The following PASD1 variants were observed in gnomAD, a reference collection of about 807,000 sequenced individuals.
PASD1 encodes the protein circadian clock protein PASD1.
Under a neutral mutation model 58.8 loss-of-function variants are expected in PASD1, and 13 were observed. The observed-to-expected ratio is 0.22, with a 90% CI of 0.14 to 0.35. The LOEUF (loss-of-function observed/expected upper bound fraction) is 0.35, where lower values mean the gene tolerates loss of function less well. PASD1 is among the 10% of genes least tolerant of loss of function. The probability of loss-of-function intolerance (pLI) is 1.00; values close to 1 mark genes in which losing one functional copy is unlikely to be tolerated. For missense variants in PASD1, 734 were observed against 568.3 expected (o/e 1.29, Z -2.96); for synonymous variants, 236 against 216.7 (o/e 1.09, Z -0.78).
intron 1 of PASD1, among the ~76,000 whole-genome samples, chrX:151,576,689 G>C (rs2058242132): frequency 8.9e-6 from 1 of 112,053 alleles, no homozygotes; most frequent in Non-Finnish European, 1.9e-5. Context: ...GTGTGTGTGT[G>C]TGCACACGTG....
chrX:151,620,893 CT>C, intron 4 of PASD1, 36 bp from the exon 5 acceptor site: 2 of 1,079,140 alleles, frequency 1.9e-6, no homozygotes, highest in Non-Finnish European at 1.3e-6. Context: ...TCTTCCCCTC[CT>C]TTTTCCCTCC....
chrX:151,623,589 A>G (rs1602938357), intron 7 of PASD1, among the ~76,000 whole-genome samples: 1 of 112,187 alleles, frequency 8.9e-6, no homozygotes, highest in African/African-American at 3.2e-5. Flanking sequence ...GTAAGTACCT[A>G]CTGTGTTACA....
rs1286710772 is a variant in PASD1 at position 151,676,499 on chromosome X, G to GA, written c.*365dup. Reference sequence around the variant, plus strand: ...CAAAGTTTTCAACATAAAGAATAAAGAAAAAAAAATGCCAAAGTGCTTTTC... The same window carrying GA: ...CAAAGTTTTCAACATAAAGAATAAAGAAAAAAAAAATGCCAAAGTGCTTTTC... On this transcript the variant is annotated 3_prime_UTR_variant, in exon 16 of 16. Coordinates refer to ENST00000370357, the MANE Select transcript of PASD1 (RefSeq NM_173493.3). 1.1e-3 allele frequency: 169 copies of GA among 148,308 alleles called. No homozygotes were observed. Among genetic ancestry groups the GA allele is most frequent in the East Asian group, 2.0e-3 (14 of 6,927 alleles). 12.2% of individuals were successfully genotyped at this position (148,308 alleles called of 1,213,427 possible). A position where few individuals can be genotyped will look rare whatever the true frequency, so the allele number is the denominator to read the frequency against.
At chrX:151,660,280 T>C (rs974279256) in intron 10 of PASD1, among the ~76,000 whole-genome samples, 2 of 112,024 alleles carry the variant, frequency 1.8e-5, no homozygotes, top group African/African-American at 6.5e-5. Flanking sequence ...ACCGTAATTG[T>C]TTGAAAAGTA....
At chrX:151,675,918 A>G in intron 15 of PASD1, 79 bp from the exon 16 acceptor site, 2 of 1,052,258 alleles carry the variant, frequency 1.9e-6, no homozygotes, top group South Asian at 2.1e-5. Context: ...TATTTGAACT[A>G]AAGGATTCCT....
In PASD1 at chrX:151,659,804, C is replaced by T. The variant is rs1182937845; in HGVS notation, c.809C>T (p.Thr270Ile). ...VDSDSTYCSS[T>I]VFLDTMPESP... ...TCTGATTCAACTTATTGCTCCAGTACAGTTTTCCTGGATACTATGCCTGAA... is the reference window on the plus strand; with the variant it reads ...TCTGATTCAACTTATTGCTCCAGTATAGTTTTCCTGGATACTATGCCTGAA... Residue 270 changes from threonine (T) to isoleucine (I), a missense_variant, in exon 10 of 16, where the codon ACA (threonine) becomes ATA (isoleucine). Physicochemically the swap from Thr to Ile is moderately conservative, Grantham distance 89. Transcript: ENST00000370357. The T allele has an allele frequency of 8.3e-7, 1 of 1,204,803 alleles. No individual in the cohort carries two copies. Among genetic ancestry groups the T allele is most frequent in the Non-Finnish European group, 1.1e-6 (1 of 890,813 alleles).
intron 9 of PASD1, among the ~76,000 whole-genome samples, chrX:151,651,999 T>C (rs1388263598): frequency 8.9e-6 from 1 of 112,260 alleles, no homozygotes; most frequent in Non-Finnish European, 1.9e-5. Context: ...TCTTTATATA[T>C]TTGAACATTT....
chrX:151,661,612 A>G (rs1410709923), intron 10 of PASD1, among the ~76,000 whole-genome samples: 18 of 112,667 alleles, frequency 1.6e-4, no homozygotes, highest in Non-Finnish European at 2.8e-4. Flanking sequence ...CATTGATGCA[A>G]TACTTTTAAG....
In PASD1 at chrX:151,674,195, C is replaced by T; in HGVS notation, c.2175+9C>T. The stretch of plus-strand genomic sequence containing the variant: ...AACCCACCTACCATCAGGTATGGGA[C>T]AGCCCCCTCCTTTTCCTTCCAGCGC... On this transcript the variant is annotated intron_variant, in intron 15 of 15. Transcript: ENST00000370357. The T allele has an allele frequency of 8.3e-7, 1 of 1,210,398 alleles. No individual in the cohort carries two copies. The highest frequency in any genetic ancestry group is 1.8e-5 in the South Asian group (1 of 56,904).
chrX:151,593,440 T>G (rs749153020), intron 1 of PASD1, among the ~76,000 whole-genome samples: 124 of 79,290 alleles, frequency 1.6e-3, no homozygotes, highest in Admixed American at 4.0e-3. Context: ...TTCCCTGCCC[T>G]GTGTCCAAGT....
At chrX:151,574,418 T>C (rs2012971036) in intron 1 of PASD1, among the ~76,000 whole-genome samples, 1 of 112,032 alleles carries the variant, frequency 8.9e-6, no homozygotes, top group Admixed American at 9.5e-5. Context: ...ATAGTGATCA[T>C]ACCTCTTAGA....
intron 8 of PASD1, among the ~76,000 whole-genome samples, chrX:151,645,195 A>T (rs1259360554): frequency 8.9e-6 from 1 of 111,748 alleles, no homozygotes; most frequent in Non-Finnish European, 1.9e-5. Context: ...ACCTGCAACC[A>T]AGAAGGGAAA....
intron 4 of PASD1, among the ~76,000 whole-genome samples, 163 bp from the exon 5 acceptor site, chrX:151,620,767 G>C (rs1402031853): frequency 9.0e-6 from 1 of 110,576 alleles, no homozygotes; most frequent in Non-Finnish European, 1.9e-5. Flanking sequence ...ATTTTTTAGA[G>C]GTACAACAGG....
At chrX:151,631,395 C>T (rs1420306451) in intron 8 of PASD1, among the ~76,000 whole-genome samples, 1 of 111,583 alleles carries the variant, frequency 9.0e-6, no homozygotes, top group African/African-American at 3.3e-5. Flanking sequence ...AGGGAGAAAA[C>T]TCAAGGAGTC....
intron 4 of PASD1, among the ~76,000 whole-genome samples, chrX:151,613,155 C>T (rs1490019977): frequency 1.8e-5 from 2 of 111,189 alleles, no homozygotes; most frequent in South Asian, 7.7e-4. Flanking sequence ...TCTGAGGGCT[C>T]TGTTCTGTTC....
Position 151,676,099 on chromosome X carries a change from A to G in PASD1, c.2278A>G (p.Arg760Gly). The G allele has an allele frequency of 8.3e-7, 1 of 1,210,772 alleles. No homozygotes were observed. Among genetic ancestry groups the G allele is most frequent in the South Asian group, 1.8e-5 (1 of 56,786 alleles). Residue 760 changes from arginine (R) to glycine (G), a missense_variant, in exon 16 of 16, where the codon AGA (arginine) becomes GGA (glycine). Arg to Gly is a moderately radical substitution (Grantham distance 125). Coordinates refer to ENST00000370357, the MANE Select transcript of PASD1 (RefSeq NM_173493.3). ...PDQMRSAEQT[R>G]LMPAEQRDSN... ...CCAGATGAGATCTGCGGAGCAGACC[A>G]GATTGATGCCTGCAGAGCAACGTGA...
chrX:151,589,172 C>T (rs938035163), intron 1 of PASD1, among the ~76,000 whole-genome samples: 3 of 111,602 alleles, frequency 2.7e-5, no homozygotes, highest in African/African-American at 9.8e-5. Context: ...GTCACTTCTG[C>T]GCAGATCATT....
At chrX:151,671,469 G>T (rs148936121) in intron 12 of PASD1, 104 bp from the exon 13 acceptor site, 2 of 982,852 alleles carry the variant, frequency 2.0e-6, no homozygotes, top group African/African-American at 3.8e-5. Flanking sequence ...AAGGCTTCCT[G>T]TAGGCTTGCC....
In PASD1 at chrX:151,625,621, T is replaced by TTC. The variant is rs1259677043; in HGVS notation, c.629+92_629+93insCT. The TTC allele has an allele frequency of 1.1e-5, 8 of 698,105 alleles. No homozygotes were observed. The East Asian group carries it at 2.7e-4, about 24-fold the overall frequency. 57.5% of individuals were successfully genotyped at this position (698,105 alleles called of 1,213,427 possible). On this transcript the variant is annotated intron_variant, in intron 8 of 15. Transcript: ENST00000370357. ...CAAGAGAAATAACACCTACAGATAT[T>TTC]TTTTTTCCCATCAAAATGAAAATGA...
Sources: gnomAD v4.1 joint callset for allele counts (sites outside exome capture counted in the v4.1 genomes callset) on GRCh38, gnomAD v4.1.1 for gene constraint, MANE v1.5 for transcripts, NCBI Gene and HGNC (gene_info 2026-07-23, HGNC 2026-07-21) for gene names.